The following MYOF variants were observed in gnomAD, a reference collection of about 807,000 sequenced individuals.
The protein encoded by MYOF is myoferlin, also known as fer-1-like 3, myoferlin.
Under a neutral mutation model 284.2 loss-of-function variants are expected in MYOF, and 244 were observed. That is an observed-to-expected ratio of 0.86 (90% confidence interval 0.77 to 0.95). MYOF has a LOEUF of 0.95. MYOF is among the 40% of genes least tolerant of loss of function. The pLI is 0.00. For missense variants in MYOF, 2,496 were observed against 2,560.6 expected (o/e 0.97, Z 0.54); for synonymous variants, 904 against 919.7 (o/e 0.98, Z 0.31).
Position 93,373,018 on chromosome 10 carries a change from C to T in MYOF, c.2369G>A (p.Arg790Gln), listed in dbSNP as rs1845662090. 1.9e-6 allele frequency: 3 copies of T among 1,614,168 alleles called. No homozygotes were observed. Among genetic ancestry groups the T allele is most frequent in the South Asian group, 2.2e-5 (2 of 91,082 alleles). Reference sequence around the variant, plus strand: ...GTACAAGACCTGATGTGCGGGAATTCGTGCATAGGCCAGTCTCTTCTCTCC... The same window carrying T: ...GTACAAGACCTGATGTGCGGGAATTTGTGCATAGGCCAGTCTCTTCTCTCC... The part of the protein sequence containing the change: ...IRGEKRLAYA[R>Q]IPAHQVLYST... The change falls in exon 24 of 54, where the codon CGA becomes CAA. Residue 790 changes from arginine (R) to glutamine (Q), a missense_variant. Arg to Gln is a conservative substitution (Grantham distance 43). Coordinates refer to ENST00000359263, the MANE Select transcript of MYOF (RefSeq NM_013451.4).
At chr10:93,311,821 A>T (rs1842406197) in intron 51 of MYOF, among the ~76,000 whole-genome samples, 1 of 152,186 alleles carries the variant, frequency 6.6e-6, no homozygotes, top group Non-Finnish European at 1.5e-5. Flanking sequence ...CTGTTTTTGG[A>T]ATCGCTAAAG....
intron 4 of MYOF, among the ~76,000 whole-genome samples, chr10:93,427,095 C>T (rs1030799404): frequency 1.3e-5 from 2 of 150,672 alleles, no homozygotes; most frequent in African/African-American, 4.9e-5. Flanking sequence ...ATCTTGTTGG[C>T]CAGGCTGGTT....
intron 3 of MYOF, among the ~76,000 whole-genome samples, chr10:93,434,260 G>A (rs889963281): frequency 2.6e-5 from 4 of 151,802 alleles, no homozygotes; most frequent in African/African-American, 4.8e-5. Flanking sequence ...GTGAAACCCC[G>A]TCTCTACTAC....
At chr10:93,364,658 C>T (rs1346142847) in intron 26 of MYOF, among the ~76,000 whole-genome samples, 2 of 152,180 alleles carry the variant, frequency 1.3e-5, no homozygotes, top group Admixed American at 1.3e-4. Context: ...GAAATCCATA[C>T]TGACTCTCTG....
intron 5 of MYOF, among the ~76,000 whole-genome samples, chr10:93,418,355 A>G (rs886595779): frequency 6.6e-6 from 1 of 152,212 alleles, no homozygotes; most frequent in African/African-American, 2.4e-5. Context: ...TTTTTTCTGA[A>G]TTTCTAAAAT....
chr10:93,397,565 G>C, intron 13 of MYOF, 109 bp from the exon 14 acceptor site: 1 of 663,084 alleles, frequency 1.5e-6, no homozygotes, highest in South Asian at 3.1e-5. Flanking sequence ...ATATACTTAG[G>C]AACCTGGTTA....
At position 93,406,563 on chromosome 10, in the gene MYOF, T is replaced by TG. The variant is rs1554855705; in HGVS notation, c.729+2223_729+2224insC. 9.4e-5 allele frequency among the ~76,000 whole-genome samples: 9 copies of TG among 95,982 alleles called. No homozygotes were observed. The Admixed American group carries it at 9.8e-4, about 10-fold the overall frequency. The allele number at this position is 95,982 out of a possible 152,430, so 63.0% of individuals were successfully genotyped here. A position where few individuals can be genotyped will look rare whatever the true frequency, so the allele number is the denominator to read the frequency against. Reference sequence around the variant, plus strand: ...CCAAGTAATCCAGCATCTTGCCTCCTCCCCACCCATCCAGTCTTGCCCTCC... The same window carrying TG: ...CCAAGTAATCCAGCATCTTGCCTCCTGCCCCACCCATCCAGTCTTGCCCTCC... On this transcript the variant is annotated intron_variant, in intron 7 of 53. Transcript: ENST00000359263.
At chr10:93,335,044 G>A (rs573325275) in intron 41 of MYOF, among the ~76,000 whole-genome samples, 1 of 152,212 alleles carries the variant, frequency 6.6e-6, no homozygotes, top group Non-Finnish European at 1.5e-5. Context: ...TGCTTTCATG[G>A]AGGCATGAAC....
chr10:93,318,195 A>G (rs1842699948), intron 49 of MYOF, among the ~76,000 whole-genome samples: 1 of 152,122 alleles, frequency 6.6e-6, no homozygotes, highest in Non-Finnish European at 1.5e-5. Context: ...CCAAGGTGGG[A>G]GAATGGCTTG....
intron 48 of MYOF, among the ~76,000 whole-genome samples, chr10:93,321,015 C>G (rs994513965): frequency 6.6e-6 from 1 of 152,110 alleles, no homozygotes; most frequent in Non-Finnish European, 1.5e-5. Flanking sequence ...TATGGTTTAG[C>G]AGGGGCAGAG....
intron 50 of MYOF, among the ~76,000 whole-genome samples, chr10:93,315,985 C>T (rs758648826): frequency 5.9e-5 from 9 of 151,640 alleles, no homozygotes; most frequent in Non-Finnish European, 8.8e-5. Flanking sequence ...AAAAAATTAG[C>T]CAGGTTTCGT....
In MYOF at chr10:93,313,209, AC is replaced by A. The variant is rs865971927; in HGVS notation, c.5699del (p.Gly1900ValfsTer3). 5.0e-6 allele frequency: 8 copies of A among 1,612,102 alleles called. No individual in the cohort carries two copies. The Admixed American group carries it at 1.3e-4, about 27-fold the overall frequency. ...TGTGACGCAAGTCAAGTTCTAGGAAACCTAGCCAAGGAAACAACAGTAAGTC... is the reference window on the plus strand; with the variant it reads ...TGTGACGCAAGTCAAGTTCTAGGAAACTAGCCAAGGAAACAACAGTAAGTC... ...NDKFSLDDYL[G>X]FLELDLRHTI... On this transcript the variant is annotated frameshift_variant and splice_region_variant, in exon 51 of 54. Coordinates refer to ENST00000359263, the MANE Select transcript of MYOF (RefSeq NM_013451.4). LOFTEE classifies it high-confidence loss of function.
At chr10:93,368,865 A>G (rs1845445955) in intron 25 of MYOF, among the ~76,000 whole-genome samples, 1 of 152,196 alleles carries the variant, frequency 6.6e-6, no homozygotes, top group East Asian at 1.9e-4. Flanking sequence ...GCCTATCTGT[A>G]GAGTGGTGTT....
intron 46 of MYOF, 175 bp from the exon 47 acceptor site, chr10:93,323,533 C>A (rs975428126): frequency 1.6e-6 from 1 of 628,750 alleles, no homozygotes; most frequent in African/African-American, 1.8e-5. Flanking sequence ...CTTTTATGTA[C>A]AATGTCATTT....
chr10:93,382,619 C>A (rs1274634947), intron 19 of MYOF, among the ~76,000 whole-genome samples: 5 of 152,158 alleles, frequency 3.3e-5, no homozygotes, highest in Non-Finnish European at 5.9e-5. Flanking sequence ...CCCTTCAAGC[C>A]TTCCTTCATG....
At chr10:93,385,324 T>C (rs1487498804) in intron 19 of MYOF, among the ~76,000 whole-genome samples, 1 of 152,224 alleles carries the variant, frequency 6.6e-6, no homozygotes, top group Non-Finnish European at 1.5e-5. Flanking sequence ...GCTGCATCCC[T>C]CCTGCACTGC....
chr10:93,310,932 A>C (rs888374678), intron 51 of MYOF, among the ~76,000 whole-genome samples: 5 of 151,914 alleles, frequency 3.3e-5, no homozygotes, highest in African/African-American at 1.2e-4. Flanking sequence ...CTCCCCACAC[A>C]CCTTCCTATG....
intron 10 of MYOF, among the ~76,000 whole-genome samples, chr10:93,402,577 C>A (rs1002239284): frequency 6.6e-6 from 1 of 151,238 alleles, no homozygotes; most frequent in Non-Finnish European, 1.5e-5. Flanking sequence ...GTTGTACCAA[C>A]GAGTTTTATA....
intron 28 of MYOF, 60 bp downstream of exon 28, chr10:93,361,392 T>A: frequency 6.5e-7 from 1 of 1,544,384 alleles, no homozygotes; most frequent in Non-Finnish European, 8.9e-7. Flanking sequence ...GGAAACTTTA[T>A]CCTGGTTAAC....
Sources: allele counts gnomAD v4.1 joint callset (sites outside exome capture counted in the v4.1 genomes callset), GRCh38; gene constraint gnomAD v4.1.1; transcripts MANE v1.5; gene names NCBI Gene and HGNC (gene_info 2026-07-23, HGNC 2026-07-21).